The following SPIN1 variants were observed in gnomAD, a reference collection of about 807,000 sequenced individuals.
SPIN1 encodes spindlin-1.
A neutral mutation model predicts 26.0 loss-of-function variants in SPIN1; 3 were observed. The observed-to-expected ratio is 0.12, with a 90% confidence interval of 0.05 to 0.30. SPIN1 has a LOEUF of 0.30. SPIN1 is among the 10% of genes least tolerant of loss of function. SPIN1 has a pLI of 1.00. For missense variants in SPIN1, 126 were observed against 333.4 expected, an observed-to-expected ratio of 0.38 and a Z score of 4.84; for synonymous variants, 101 against 116.5, an observed-to-expected ratio of 0.87 and a Z score of 0.86.
intron 1 of SPIN1, among the ~76,000 whole-genome samples, chr9:88,413,754 C>T (rs983765690): frequency 2.6e-5 from 4 of 152,040 alleles, no homozygotes; most frequent in African/African-American, 9.7e-5. Context: ...TGGCTTACCT[C>T]CTTTTATATA....
At chr9:88,445,142 G>T (rs1828220643) in intron 2 of SPIN1, among the ~76,000 whole-genome samples, 2 of 152,194 alleles carry the variant, frequency 1.3e-5, no homozygotes, top group African/African-American at 4.8e-5. Flanking sequence ...GTAAGTTGGG[G>T]ATTGAAAAGG....
chr9:88,412,917 C>T (rs560096315), intron 1 of SPIN1, among the ~76,000 whole-genome samples: 2 of 151,950 alleles, frequency 1.3e-5, no homozygotes, highest in South Asian at 2.1e-4. Flanking sequence ...CTCCTAACCT[C>T]GTGATCCGCC....
chr9:88,398,422 G>T (rs1398197141), intron 1 of SPIN1, among the ~76,000 whole-genome samples: 2 of 151,960 alleles, frequency 1.3e-5, no homozygotes, highest in Admixed American at 6.6e-5. Flanking sequence ...TACTTTTCTG[G>T]TATCTAGCTC....
intron 3 of SPIN1, among the ~76,000 whole-genome samples, chr9:88,457,600 G>A (rs1247933633): frequency 2.0e-5 from 3 of 152,008 alleles, no homozygotes; most frequent in Admixed American, 6.6e-5. Context: ...GATCAGATTG[G>A]CTTCTATTGT....
At chr9:88,396,785 A>T (rs1398975646) in intron 1 of SPIN1, among the ~76,000 whole-genome samples, 1 of 152,094 alleles carries the variant, frequency 6.6e-6, no homozygotes, top group Non-Finnish European at 1.5e-5. Context: ...CCTATATGGG[A>T]CAACCTACTA....
intron 2 of SPIN1, among the ~76,000 whole-genome samples, chr9:88,427,699 C>T (rs539574919): frequency 3.9e-5 from 6 of 152,030 alleles, no homozygotes; most frequent in South Asian, 2.1e-4. Context: ...TGGGTTCAAG[C>T]GGTTCTCCTG....
intron 2 of SPIN1, 67 bp from the exon 3 acceptor site, chr9:88,448,874 G>A: frequency 6.7e-7 from 1 of 1,490,076 alleles, no homozygotes; most frequent in South Asian, 1.2e-5. Flanking sequence ...CAGAAGTTAA[G>A]ATTTCCTGCA....
At chr9:88,405,430 T>C (rs1032315140) in intron 1 of SPIN1, among the ~76,000 whole-genome samples, 3 of 151,860 alleles carry the variant, frequency 2.0e-5, no homozygotes, top group African/African-American at 4.8e-5. Context: ...GGTTTCACCA[T>C]GTTGGTCAGG....
chr9:88,458,093 T>A, intron 3 of SPIN1: 2 of 647,972 alleles, frequency 3.1e-6, no homozygotes, highest in Non-Finnish European at 3.8e-6. Context: ...AGTTTAGGTA[T>A]AATATATGCA....
chr9:88,393,321 AGTT>A (rs1237346101), intron 1 of SPIN1, among the ~76,000 whole-genome samples: 5 of 151,218 alleles, frequency 3.3e-5, no homozygotes, highest in Admixed American at 3.3e-4. Flanking sequence ...ATTTCTTTGT[AGTT>A]GTTTATGCTT....
At chr9:88,467,845 T>TAA (rs755421414) in intron 4 of SPIN1, among the ~76,000 whole-genome samples, 1,507 of 132,352 alleles carry the variant, frequency 0.011, 26 homozygotes, top group African/African-American at 0.038. Flanking sequence ...CCAATTTCTT[T>TAA]AAAAAAAAAA....
At chr9:88,390,766 C>A (rs557207534) in intron 1 of SPIN1, among the ~76,000 whole-genome samples, 1 of 152,256 alleles carries the variant, frequency 6.6e-6, no homozygotes, top group Admixed American at 6.5e-5. Flanking sequence ...CAATGGCCTT[C>A]CAAGTCAGAA....
At chr9:88,411,213 C>T (rs1827436067) in intron 1 of SPIN1, 1 of 1,209,294 alleles carries the variant, frequency 8.3e-7, no homozygotes, top group Admixed American at 1.7e-5. Flanking sequence ...TTTGGTTCCA[C>T]AAGTCTTCTG....
chr9:88,411,679 A>C (rs751680885), intron 1 of SPIN1, among the ~76,000 whole-genome samples: 5 of 151,594 alleles, frequency 3.3e-5, no homozygotes, highest in African/African-American at 7.3e-5. Flanking sequence ...ATGCCTGACT[A>C]ATTTTTTAAA....
At chr9:88,389,923 C>G (rs755552013) in intron 1 of SPIN1, among the ~76,000 whole-genome samples, 1 of 151,852 alleles carries the variant, frequency 6.6e-6, no homozygotes, top group Non-Finnish European at 1.5e-5. Flanking sequence ...AACCTCCCCA[C>G]TCTCCCCCCT....
At chr9:88,457,936 A>G (rs983348608) in intron 3 of SPIN1, 18 of 985,226 alleles carry the variant, frequency 1.8e-5, no homozygotes, top group African/African-American at 1.6e-4. Context: ...AAAAGTCTAC[A>G]TTTCAGCAAT....
chr9:88,460,107 GT>G (rs1268001722), intron 3 of SPIN1, among the ~76,000 whole-genome samples: 3 of 152,142 alleles, frequency 2.0e-5, no homozygotes, highest in Admixed American at 2.0e-4. Flanking sequence ...ACATTCAAGT[GT>G]TTTGTTTCAG....
chr9:88,398,938 A>G (rs915374732), intron 1 of SPIN1, among the ~76,000 whole-genome samples: 3 of 151,790 alleles, frequency 2.0e-5, no homozygotes, highest in Admixed American at 1.3e-4. Flanking sequence ...CCTAGGATGG[A>G]TAAAGGAAAA....
chr9:88,468,130 A>AT (rs1444180230), intron 4 of SPIN1, among the ~76,000 whole-genome samples: 3 of 152,210 alleles, frequency 2.0e-5, no homozygotes, highest in East Asian at 3.9e-4. Context: ...AAAAAATCAT[A>AT]TTTTTTTCAA....
Sources: gnomAD v4.1 joint callset for allele counts (sites outside exome capture counted in the v4.1 genomes callset) on GRCh38, gnomAD v4.1.1 for gene constraint, MANE v1.5 for transcripts, NCBI Gene and HGNC (gene_info 2026-07-23, HGNC 2026-07-21) for gene names.